DKK2: variants seen among roughly 807,000 people sequenced by gnomAD.
DKK2 encodes the protein dickkopf-related protein 2.
Under a neutral mutation model 28.1 loss-of-function variants are expected in DKK2, and 11 were observed. That is an observed-to-expected ratio of 0.39 (90% CI 0.25 to 0.65). DKK2 has a LOEUF of 0.65. DKK2 is among the 30% of genes least tolerant of loss of function. The pLI is 0.47. For missense variants in DKK2, 326 were observed against 335.5 expected (o/e 0.97, Z 0.22); for synonymous variants, 135 against 126.5 (o/e 1.07, Z -0.45).
chr4:107,001,773 T>C (rs1308706642), intron 1 of DKK2, among the ~76,000 whole-genome samples: 3 of 152,204 alleles, frequency 2.0e-5, no homozygotes, highest in Non-Finnish European at 4.4e-5. Context: ...TGAACAATTA[T>C]ATTTTAACCT....
chr4:106,948,787 G>T (rs1447117614), intron 1 of DKK2, among the ~76,000 whole-genome samples: 1 of 152,114 alleles, frequency 6.6e-6, no homozygotes, highest in Non-Finnish European at 1.5e-5. Context: ...GAACATCAAA[G>T]GTAAGAGGGC....
At chr4:106,935,901 G>A (rs1428606162) in intron 1 of DKK2, among the ~76,000 whole-genome samples, 1 of 152,278 alleles carries the variant, frequency 6.6e-6, no homozygotes, top group South Asian at 2.1e-4. Flanking sequence ...CTGCAGCTGA[G>A]GGTCCTGTCC....
Position 106,923,955 on chromosome 4 carries a change from C to A in DKK2, c.779G>T (p.Ter260LeuextTer12). 6.2e-7 allele frequency: 1 copy of A among 1,613,136 alleles called. No homozygotes were observed. Among genetic ancestry groups the A allele is most frequent in the South Asian group, 1.1e-5 (1 of 91,012 alleles). The change falls in exon 4 of 4, where the codon TGA becomes TTA. Residue 260 changes from the stop codon to leucine, a stop_lost. Coordinates refer to ENST00000285311, the MANE Select transcript of DKK2 (RefSeq NM_014421.3). ...ATTGATGATGTTCCTCAATGGTGATCAAATTTTCTGACACACATGGAGTCT... is the reference window on the plus strand; with the variant it reads ...ATTGATGATGTTCCTCAATGGTGATAAAATTTTCTGACACACATGGAGTCT... ...KARLHVCQKI[*>L]
At chr4:107,021,088 C>T (rs1723685164) in intron 1 of DKK2, among the ~76,000 whole-genome samples, 1 of 151,982 alleles carries the variant, frequency 6.6e-6, no homozygotes, top group Non-Finnish European at 1.5e-5. Flanking sequence ...GAGGGTTTTC[C>T]ACCTTAAAGC....
At chr4:106,995,673 C>A (rs957302465) in intron 1 of DKK2, among the ~76,000 whole-genome samples, 22 of 152,096 alleles carry the variant, frequency 1.4e-4, no homozygotes, top group Admixed American at 1.4e-3. Context: ...AGTGCAGTGG[C>A]GCGATCTCGG....
chr4:107,016,975 T>C (rs980510943), intron 1 of DKK2, among the ~76,000 whole-genome samples: 2 of 151,912 alleles, frequency 1.3e-5, no homozygotes, highest in Non-Finnish European at 2.9e-5. Context: ...TGGCATGTAG[T>C]GGTATTTAAA....
intron 1 of DKK2, among the ~76,000 whole-genome samples, chr4:106,993,433 A>G (rs1189826108): frequency 1.3e-5 from 2 of 152,208 alleles, no homozygotes; most frequent in African/African-American, 4.8e-5. Context: ...AACTTTATCC[A>G]TGAAATCATT....
intron 1 of DKK2, among the ~76,000 whole-genome samples, chr4:106,968,467 T>C (rs186817267): frequency 6.6e-6 from 1 of 152,274 alleles, no homozygotes; most frequent in African/African-American, 2.4e-5. Context: ...CGTGTGTGTG[T>C]AGGCATATAT....
chr4:106,956,823 A>G (rs969745948), intron 1 of DKK2, among the ~76,000 whole-genome samples: 1 of 151,350 alleles, frequency 6.6e-6, no homozygotes, highest in Admixed American at 6.6e-5. Context: ...AGGCATTACC[A>G]TTCAGGACAT....
chr4:106,947,526 G>A (rs1217332665), intron 1 of DKK2, among the ~76,000 whole-genome samples: 1 of 152,030 alleles, frequency 6.6e-6, no homozygotes, highest in Non-Finnish European at 1.5e-5. Context: ...GGTAAGAATA[G>A]TTACTCTTGG....
chr4:106,956,681 G>C (rs1722598979), intron 1 of DKK2, among the ~76,000 whole-genome samples: 1 of 151,956 alleles, frequency 6.6e-6, no homozygotes, highest in African/African-American at 2.4e-5. Flanking sequence ...AATGGTGCTG[G>C]GAAAACTGGC....
chr4:107,010,803 A>G (rs1439505640), intron 1 of DKK2, among the ~76,000 whole-genome samples: 1 of 151,380 alleles, frequency 6.6e-6, no homozygotes, highest in Non-Finnish European at 1.5e-5. Context: ...TTTTGTTTAT[A>G]TTTGTTGTAT....
At chr4:106,967,595 G>T (rs1722801571) in intron 1 of DKK2, among the ~76,000 whole-genome samples, 1 of 152,118 alleles carries the variant, frequency 6.6e-6, no homozygotes, top group Non-Finnish European at 1.5e-5. Flanking sequence ...GGATTTTTAG[G>T]AGGGTGATGA....
At chr4:106,964,962 T>C (rs767664051) in intron 1 of DKK2, among the ~76,000 whole-genome samples, 3 of 121,212 alleles carry the variant, frequency 2.5e-5, no homozygotes, top group African/African-American at 6.1e-5. Flanking sequence ...TAGATAGATA[T>C]AGATAGATAG....
chr4:106,975,798 C>T (rs1044792897), intron 1 of DKK2, among the ~76,000 whole-genome samples: 1 of 152,036 alleles, frequency 6.6e-6, no homozygotes, highest in African/African-American at 2.4e-5. Context: ...ACTTTGTTTG[C>T]TCTTGCTTCT....
chr4:106,998,842 A>G (rs1006819547), intron 1 of DKK2, among the ~76,000 whole-genome samples: 2 of 152,182 alleles, frequency 1.3e-5, no homozygotes, highest in Admixed American at 1.3e-4. Context: ...ATTTCAGGTC[A>G]TTTTTTATCT....
Position 106,941,229 on chromosome 4 carries a change from T to G in DKK2, c.223-15280A>C, listed in dbSNP as rs147629128. On this transcript the variant is annotated intron_variant, in intron 1 of 3. Transcript: ENST00000285311. ...TTCTCCCTTTGCCATTTGAAGAAAA[T>G]AAACAGTAAGTCTGTTTATTTTTCT... 5.3e-5 allele frequency among the ~76,000 whole-genome samples: 8 copies of G among 152,132 alleles called. No homozygotes were observed. In the East Asian group the frequency reaches 1.5e-3, roughly 29 times the overall value.
chr4:106,989,061 C>G lies in DKK2; in HGVS notation c.222+46309G>C, dbSNP rs17037178. On this transcript the variant is annotated intron_variant, in intron 1 of 3. Coordinates refer to ENST00000285311, the MANE Select transcript of DKK2 (RefSeq NM_014421.3). ...CTCTTCCTGTAAGTGACCTGACAAGCACTTGGAAGCAATTTTTCATAGGAG... is the reference window on the plus strand; with the variant it reads ...CTCTTCCTGTAAGTGACCTGACAAGGACTTGGAAGCAATTTTTCATAGGAG... 3.6e-3 allele frequency among the ~76,000 whole-genome samples: 547 copies of G among 152,252 alleles called. 4 individuals carry two copies. Among genetic ancestry groups the G allele is most frequent in the African/African-American group, 0.013 (524 of 41,528 alleles).
chr4:106,972,172 A>G (rs114169111), intron 1 of DKK2, among the ~76,000 whole-genome samples: 276 of 152,138 alleles, frequency 1.8e-3, no homozygotes, highest in Middle Eastern at 0.01. Flanking sequence ...CCTGAAACCT[A>G]GAGAATTATG....
Sources: allele counts gnomAD v4.1 joint callset (sites outside exome capture counted in the v4.1 genomes callset), GRCh38; gene constraint gnomAD v4.1.1; transcripts MANE v1.5; gene names NCBI Gene and HGNC (gene_info 2026-07-23, HGNC 2026-07-21).